The following SEPTIN4 variants were observed in gnomAD, a reference collection of about 807,000 sequenced individuals.
The protein encoded by SEPTIN4 is septin-4.
Under a neutral mutation model 107.1 loss-of-function variants are expected in SEPTIN4, and 52 were observed. The observed-to-expected ratio is 0.49, with a 90% CI of 0.39 to 0.61. SEPTIN4 has a LOEUF of 0.61. SEPTIN4 is among the 20% of genes least tolerant of loss of function. The pLI is 0.00. For missense variants in SEPTIN4, 1,048 were observed against 1,243.5 expected (o/e 0.84, Z 2.36); for synonymous variants, 417 against 467.0 (o/e 0.89, Z 1.38).
intron 3 of SEPTIN4, 35 bp downstream of exon 3, chr17:58,540,631 G>A (rs765721443): frequency 1.4e-5 from 19 of 1,342,178 alleles, no homozygotes; most frequent in Non-Finnish European, 1.7e-5. Context: ...GTGGGCCCAG[G>A]AAGACTGGGA....
intron 3 of SEPTIN4, chr17:58,530,356 T>C (rs2043349054): frequency 6.6e-6 from 1 of 152,262 alleles, no homozygotes; most frequent in Non-Finnish European, 1.5e-5. Context: ...GTCATTCTTT[T>C]CACATGTAAA....
chr17:58,520,731 T>C lies in SEPTIN4; in HGVS notation c.2931+12A>G. 27 of 1,614,022 alleles carry C rather than the reference T, an allele frequency of 1.7e-5. No homozygotes were observed. Among genetic ancestry groups the C allele is most frequent in the Non-Finnish European group, 2.1e-5 (25 of 1,180,000 alleles). On this transcript the variant is annotated intron_variant, in intron 13 of 13. Coordinates refer to ENST00000672673, the MANE Select transcript of SEPTIN4 (RefSeq NM_001368771.2). ...AACAGGAGACCTCCCCTATACCCCA[T>C]ACTGCTCTCACCTCCTCATCTTTCT...
At position 58,543,333 on chromosome 17, in the gene SEPTIN4, T is replaced by C. The variant is rs1285634662; in HGVS notation, c.854A>G (p.His285Arg). 12 of 1,614,074 alleles carry C rather than the reference T, an allele frequency of 7.4e-6. No individual in the cohort carries two copies. Among genetic ancestry groups the C allele is most frequent in the Non-Finnish European group, 9.3e-6 (11 of 1,180,050 alleles). ...AGGGTCTACCCGTGCAGAAACTCGG[T>C]GTACACCATCAGAATCTTTAAGGAC... ...LSVLKDSDGV[H>R]RVSARVDPES... is the part of the protein sequence containing the mutation. Residue 285 changes from histidine (H) to arginine (R), a missense_variant, in exon 1 of 14, where the codon CAC becomes CGC. By Grantham distance (29) the His-to-Arg change is conservative. Around this residue, in one of 2 missense-constraint regions of SEPTIN4, gnomAD observed 787 missense variants for 871.8 expected, o/e 0.90. Transcript: ENST00000672673.
At chr17:58,539,414 G>A (rs1277208863) in intron 3 of SEPTIN4, among the ~76,000 whole-genome samples, 1 of 152,106 alleles carries the variant, frequency 6.6e-6, no homozygotes, top group Admixed American at 6.6e-5. Context: ...TTTGCATCTA[G>A]GGGTGAGCAA....
In SEPTIN4 at chr17:58,525,516, C is replaced by T. The variant is rs1252105050; in HGVS notation, c.2092+179G>A. 1.1e-5 allele frequency: 7 copies of T among 631,094 alleles called. No homozygotes were observed. In the East Asian group the frequency reaches 1.6e-4, roughly 15 times the overall value. 39.1% of individuals were successfully genotyped at this position (631,094 alleles called of 1,614,324 possible). A position where few individuals can be genotyped will look rare whatever the true frequency, so the allele number is the denominator to read the frequency against. On this transcript the variant is annotated intron_variant, in intron 6 of 13. Coordinates refer to ENST00000672673, the MANE Select transcript of SEPTIN4 (RefSeq NM_001368771.2). ...TCTGGTCTCTGCCCTGCTTCAGCAC[C>T]CAAATCTTTAGGGAGCTGGCTGGTG...
intron 3 of SEPTIN4, among the ~76,000 whole-genome samples, chr17:58,536,105 A>G (rs1028709794): frequency 6.6e-6 from 1 of 152,238 alleles, no homozygotes; most frequent in Non-Finnish European, 1.5e-5. Context: ...AGACGTGGCT[A>G]TAGAAGAAGG....
chr17:58,543,353 A>T lies in SEPTIN4; in HGVS notation c.834T>A (p.Leu278=). 3.1e-6 allele frequency: 5 copies of T among 1,614,208 alleles called. No homozygotes were observed. Among genetic ancestry groups the T allele is most frequent in the Non-Finnish European group, 4.2e-6 (5 of 1,180,024 alleles). ...NLDSLLKLSV[L]KDSDGVHRVS... The stretch of plus-strand genomic sequence containing the variant: ...CTCGGTGTACACCATCAGAATCTTT[A>T]AGGACAGAGAGTTTGAGCAATGAGT... The change falls in exon 1 of 14, where the codon CTT becomes CTA. Residue 278 remains leucine (L), a synonymous_variant. Coordinates refer to ENST00000672673, the MANE Select transcript of SEPTIN4 (RefSeq NM_001368771.2).
intron 3 of SEPTIN4, chr17:58,527,685 C>T: frequency 3.6e-6 from 1 of 281,634 alleles, no homozygotes; most frequent in Non-Finnish European, 5.4e-6. Context: ...CCAGTGGATG[C>T]TGACTGTGGG....
chr17:58,533,343 T>C (rs1567973587), intron 3 of SEPTIN4, among the ~76,000 whole-genome samples: 1 of 152,168 alleles, frequency 6.6e-6, no homozygotes, highest in Non-Finnish European at 1.5e-5. Flanking sequence ...ACTTCACCTG[T>C]CAGGGTCTCA....
At position 58,525,730 on chromosome 17, in the gene SEPTIN4, T is replaced by C; in HGVS notation, c.2057A>G (p.Asp686Gly). The change falls in exon 6 of 14, where the codon GAT becomes GGT. Residue 686 changes from aspartate to glycine, a missense_variant. Physicochemically the swap from Asp to Gly is moderately conservative, Grantham distance 94. Coordinates refer to ENST00000672673, the MANE Select transcript of SEPTIN4 (RefSeq NM_001368771.2). ...STLVNSLFLT[D>G]LYRDRKLLGA... ...AAGAAGTTTCCGGTCCCGGTACAGA[T>C]CAGTGAGGAAGAGGCTATTGACAAG... 6.2e-7 allele frequency: 1 copy of C among 1,614,154 alleles called. No individual in the cohort carries two copies. Among genetic ancestry groups the C allele is most frequent in the Admixed American group, 1.7e-5 (1 of 60,028 alleles).
In SEPTIN4 at chr17:58,521,452, T is replaced by C. The variant is rs2042259039; in HGVS notation, c.2571+93A>G. ...GCTTCATTCTAGGAAGCCAGGGTCC[T>C]TTCCCACCCTGATAGCCTGAATATA... On this transcript the variant is annotated intron_variant, in intron 10 of 13. Coordinates refer to ENST00000672673, the MANE Select transcript of SEPTIN4 (RefSeq NM_001368771.2). The surrounding 1 kb of genome is among the most constrained non-coding windows in gnomAD (Gnocchi z 6.4). The C allele has an allele frequency of 1.3e-6, 2 of 1,560,692 alleles. No individual in the cohort carries two copies. Among genetic ancestry groups the C allele is most frequent in the East Asian group, 2.2e-5 (1 of 44,626 alleles).
intron 3 of SEPTIN4, among the ~76,000 whole-genome samples, chr17:58,534,442 C>T (rs535073652): frequency 6.6e-6 from 1 of 152,216 alleles, no homozygotes; most frequent in Non-Finnish European, 1.5e-5. Flanking sequence ...CTCTTACATT[C>T]TGTGTGATGG....
chr17:58,527,299 G>A (rs900270645), intron 3 of SEPTIN4: 2 of 508,816 alleles, frequency 3.9e-6, no homozygotes, highest in Admixed American at 3.0e-5. Context: ...CATGTTTTTT[G>A]AGGCTGCCTT....
intron 3 of SEPTIN4, chr17:58,529,329 C>T: frequency 1.3e-6 from 2 of 1,498,258 alleles, no homozygotes; most frequent in Non-Finnish European, 1.8e-6. Context: ...CCTTCTGTCT[C>T]TGGCAGGGGC....
intron 7 of SEPTIN4, among the ~76,000 whole-genome samples, chr17:58,523,382 A>AAG (rs1329154616): frequency 6.6e-6 from 1 of 151,766 alleles, no homozygotes; most frequent in African/African-American, 2.4e-5. Context: ...AAAAAAAAAA[A>AAG]AAAGAAAGGA....
At position 58,543,810 on chromosome 17, in the gene SEPTIN4, G is replaced by A; in HGVS notation, c.377C>T (p.Pro126Leu). ...ASSRQWKVSP[P>L]REEAARRGSE... ...GCCTCTTCGTGCTGCTTCCTCTCTG[G>A]GTGGACTAACTTTCCATTGTCTGCT... The change falls in exon 1 of 14, where the codon CCC (proline) becomes CTC (leucine). Residue 126 changes from proline to leucine, a missense_variant. This residue lies in a region of SEPTIN4 where 787 missense variants were observed against 871.8 expected (regional missense o/e 0.90). Transcript: ENST00000672673. 1 of 1,614,152 alleles carries A rather than the reference G, an allele frequency of 6.2e-7. No individual in the cohort carries two copies. The highest frequency in any genetic ancestry group is 8.5e-7 in the Non-Finnish European group (1 of 1,180,030).
Position 58,544,146 on chromosome 17 carries a change from G to A in SEPTIN4, c.41C>T (p.Ser14Leu). The A allele has an allele frequency of 6.2e-7, 1 of 1,613,898 alleles. No individual in the cohort carries two copies. Among genetic ancestry groups the A allele is most frequent in the Non-Finnish European group, 8.5e-7 (1 of 1,179,898 alleles). ...AGTAACCTCAGACCCTCTCTGTGCT[G>A]AAACCGCTACCTTGGCCCCAGGTTT... is the stretch of plus-strand genomic sequence containing the variant. ...TNKPGAKVAV[S>L]AQRGSEVTTN... Residue 14 changes from serine (S) to leucine (L), a missense_variant, in exon 1 of 14, where the codon TCA (serine) becomes TTA (leucine). By Grantham distance (145) the Ser-to-Leu change is moderately radical. Coordinates refer to ENST00000672673, the MANE Select transcript of SEPTIN4 (RefSeq NM_001368771.2).
Position 58,542,815 on chromosome 17 carries a change from A to G in SEPTIN4, c.1372T>C (p.Leu458=), listed in dbSNP as rs574174851. Reference sequence around the variant, plus strand: ...GAGTCTATTTTAAAACCGGACAATAAAAGATCTAGGGAAGGAGAGCACTTA... The same window carrying G: ...GAGTCTATTTTAAAACCGGACAATAGAAGATCTAGGGAAGGAGAGCACTTA... ...EPKCSPSLDL[L]LSGFKIDSSP... The change falls in exon 1 of 14, where the codon TTA becomes CTA. Residue 458 remains leucine (L), a synonymous_variant. Transcript: ENST00000672673. 1.9e-6 allele frequency: 3 copies of G among 1,614,162 alleles called. No homozygotes were observed. The highest frequency in any genetic ancestry group is 2.2e-5 in the East Asian group (1 of 44,876).
chr17:58,534,463 T>C (rs2144223536), intron 3 of SEPTIN4, among the ~76,000 whole-genome samples: 2 of 152,360 alleles, frequency 1.3e-5, no homozygotes. Context: ...AGGCAGGGTC[T>C]AATACCTGCA....
Sources: allele counts gnomAD v4.1 joint callset (sites outside exome capture counted in the v4.1 genomes callset), GRCh38; gene constraint gnomAD v4.1.1; regional missense constraint gnomAD v4.1.1; non-coding constraint Gnocchi (gnomAD v3.1); transcripts MANE v1.5; gene names NCBI Gene and HGNC (gene_info 2026-07-23, HGNC 2026-07-21).